The following PIGN variants were observed in gnomAD, a reference collection of about 807,000 sequenced individuals.
The protein encoded by PIGN is phosphatidylinositol glycan anchor biosynthesis class N.
In PIGN, 117 loss-of-function variants were observed where a neutral mutation model predicts 125.4. The observed-to-expected ratio is 0.93, with a 90% CI of 0.80 to 1.09. The LOEUF is 1.09. PIGN is among the 50% of genes least tolerant of loss of function. The pLI, the probability that PIGN is intolerant of heterozygous loss-of-function variation, is 0.00. For missense variants in PIGN, 1,075 were observed against 1,094.9 expected (o/e 0.98, Z 0.26); for synonymous variants, 392 against 377.8 (o/e 1.04, Z -0.44).
chr18:62,176,186 A>T (rs56118278), intron 1 of PIGN, among the ~76,000 whole-genome samples: 88,273 of 151,778 alleles, frequency 0.58, 26,467 homozygotes, highest in East Asian at 0.78. Flanking sequence ...AATTGCTTTA[A>T]CAAGTAATGA....
At chr18:62,154,686 C>G in intron 6 of PIGN, 35 bp from the exon 7 acceptor site, 2 of 982,110 alleles carry the variant, frequency 2.0e-6, no homozygotes, top group Non-Finnish European at 3.2e-6. Flanking sequence ...AATCTTTTTA[C>G]AAAATCTTTT....
chr18:62,049,293 G>A (rs1287246316), intron 30 of PIGN, among the ~76,000 whole-genome samples: 4 of 151,902 alleles, frequency 2.6e-5, no homozygotes, highest in African/African-American at 4.8e-5. Context: ...CTTCCACAAT[G>A]GTTGAACTAG....
In PIGN at chr18:62,148,331, A is replaced by G; in HGVS notation, c.557T>C (p.Phe186Ser). The G allele has an allele frequency of 2.0e-6, 3 of 1,510,786 alleles. No individual in the cohort carries two copies. Among genetic ancestry groups the G allele is most frequent in the Non-Finnish European group, 2.7e-6 (3 of 1,122,608 alleles). 93.6% of individuals were successfully genotyped at this position (1,510,786 alleles called of 1,614,324 possible). A position where few individuals can be genotyped will look rare whatever the true frequency, so the allele number is the denominator to read the frequency against. Residue 186 changes from phenylalanine to serine, a missense_variant, in exon 8 of 31, where the codon TTT becomes TCT. Phe to Ser is a radical substitution (Grantham distance 155). Around this residue, in one of 3 missense-constraint regions of PIGN, gnomAD observed 915 missense variants for 908.7 expected, o/e 1.01. Transcript: ENST00000640252. Reference protein sequence around the residue: ...TWVFDNVKDFFHHARNNQSLF... With the variant: ...TWVFDNVKDFSHHARNNQSLF... ...AGACTGGTTGTTTCTGGCATGATGA[A>G]AGAAGTCCTACATATAACAAATGAG...
intron 24 of PIGN, among the ~76,000 whole-genome samples, chr18:62,089,597 C>T (rs1406642235): frequency 6.6e-6 from 1 of 152,116 alleles, no homozygotes; most frequent in African/African-American, 2.4e-5. Context: ...TGAGTATTTA[C>T]ATGAATCTGC....
chr18:62,182,104 C>T (rs924984), intron 1 of PIGN, among the ~76,000 whole-genome samples: 42,465 of 152,034 alleles, frequency 0.28, 7,061 homozygotes, highest in East Asian at 0.59. Context: ...ACACCTCTGA[C>T]CAATGTTGAA....
chr18:62,060,204 G>A (rs542287875), intron 30 of PIGN, among the ~76,000 whole-genome samples: 2 of 152,312 alleles, frequency 1.3e-5, no homozygotes, highest in South Asian at 4.1e-4. Context: ...CAGAGTTAAA[G>A]GAACATCAAA....
intron 1 of PIGN, among the ~76,000 whole-genome samples, chr18:62,175,034 A>ATAT (rs1373615184): frequency 1.4e-5 from 2 of 145,452 alleles, no homozygotes; most frequent in Admixed American, 7.1e-5. Context: ...TATATTAGAT[A>ATAT]TATATTATAA....
chr18:62,161,568 C>T (rs1235305147), intron 3 of PIGN, among the ~76,000 whole-genome samples, 183 bp from the exon 4 acceptor site: 2 of 151,996 alleles, frequency 1.3e-5, no homozygotes, highest in Admixed American at 6.6e-5. Context: ...ATACTGAAAT[C>T]AAATATGTAA....
intron 22 of PIGN, among the ~76,000 whole-genome samples, chr18:62,097,532 T>C (rs998548328): frequency 6.6e-6 from 1 of 151,508 alleles, no homozygotes; most frequent in African/African-American, 2.4e-5. Flanking sequence ...CTCAGGGATC[T>C]AGAACTAGAA....
At chr18:62,155,300 C>T (rs1048053470) in intron 6 of PIGN, among the ~76,000 whole-genome samples, 18 of 152,128 alleles carry the variant, frequency 1.2e-4, no homozygotes, top group Non-Finnish European at 4.4e-5. Context: ...AGTGTGGTGG[C>T]TCACACCTGT....
chr18:62,019,573 C>A (rs1359332273), intron 23 of PIGN, among the ~76,000 whole-genome samples: 3 of 152,200 alleles, frequency 2.0e-5, no homozygotes, highest in Non-Finnish European at 4.4e-5. Flanking sequence ...ACCTAAAAAT[C>A]TCAGAGGAAC....
At chr18:62,127,116 T>C (rs1439579224) in intron 14 of PIGN, among the ~76,000 whole-genome samples, 2 of 152,162 alleles carry the variant, frequency 1.3e-5, no homozygotes, top group African/African-American at 4.8e-5. Context: ...TGTTTACTAA[T>C]TCTGTTACTT....
chr18:62,073,778 T>C (rs1482716597), intron 29 of PIGN, among the ~76,000 whole-genome samples: 1 of 152,148 alleles, frequency 6.6e-6, no homozygotes, highest in Non-Finnish European at 1.5e-5. Context: ...GGATGTTATA[T>C]GGTGACAAAT....
chr18:62,036,562 A>G (rs916952520), downstream of PIGN, among the ~76,000 whole-genome samples: 1 of 152,208 alleles, frequency 6.6e-6, no homozygotes, highest in African/African-American at 2.4e-5. Flanking sequence ...AATTTCTTAC[A>G]TAACAAATTG....
intron 23 of PIGN, among the ~76,000 whole-genome samples, chr18:62,033,039 G>C (rs1019655581): frequency 6.6e-6 from 1 of 152,168 alleles, no homozygotes; most frequent in Non-Finnish European, 1.5e-5. Context: ...AATGGTTGGG[G>C]ACCAAGGGAA....
Position 62,072,658 on chromosome 18 carries a change from C to T in PIGN, c.2672+15G>A. 1 of 1,591,904 alleles carries T rather than the reference C, an allele frequency of 6.3e-7. No homozygotes were observed. Among genetic ancestry groups the T allele is most frequent in the African/African-American group, 1.3e-5 (1 of 74,300 alleles). ...ATCCCTGTTGTTAAGCAATGCATGACCATATATACTATACCTTGTCCCAAT... is the reference window on the plus strand; with the variant it reads ...ATCCCTGTTGTTAAGCAATGCATGATCATATATACTATACCTTGTCCCAAT... On this transcript the variant is annotated intron_variant, in intron 30 of 30. Coordinates refer to ENST00000640252, the MANE Select transcript of PIGN (RefSeq NM_176787.5).
chr18:62,096,335 A>G (rs1196558937), intron 22 of PIGN, among the ~76,000 whole-genome samples: 1 of 151,884 alleles, frequency 6.6e-6, no homozygotes, highest in Non-Finnish European at 1.5e-5. Context: ...ATAATCTAGT[A>G]TCATTTATGG....
chr18:62,098,178 A>G (rs2034288927), intron 22 of PIGN, among the ~76,000 whole-genome samples: 1 of 152,226 alleles, frequency 6.6e-6, no homozygotes, highest in Non-Finnish European at 1.5e-5. Context: ...TGTGGTTATT[A>G]TTATTAGTCA....
intron 1 of PIGN, among the ~76,000 whole-genome samples, chr18:62,167,633 AAAAAAAAAAAC>A (rs1371324301): frequency 1.1e-5 from 1 of 92,404 alleles, no homozygotes; most frequent in African/African-American, 3.3e-5. Flanking sequence ...CTCCGTCTCA[AAAAAAAAAAAC>A]AAAAAAAAAA....
Sources: allele counts gnomAD v4.1 joint callset (sites outside exome capture counted in the v4.1 genomes callset), GRCh38; gene constraint gnomAD v4.1.1; regional missense constraint gnomAD v4.1.1; transcripts MANE v1.5; gene names NCBI Gene and HGNC (gene_info 2026-07-23, HGNC 2026-07-21).